The following ADAMTSL1 variants were observed in gnomAD, a reference collection of about 807,000 sequenced individuals.
ADAMTSL1 encodes the protein ADAMTS-like protein 1.
ADAMTSL1 carries 126 observed loss-of-function variants against 201.8 expected under a neutral mutation model. That is an observed-to-expected ratio of 0.62 (90% confidence interval 0.54 to 0.72). The LOEUF (loss-of-function observed/expected upper bound fraction) is 0.72, where lower values mean the gene tolerates loss of function less well. ADAMTSL1 is among the 30% of genes least tolerant of loss of function. The probability of loss-of-function intolerance (pLI) is 0.00; values close to 1 mark genes in which losing one functional copy is unlikely to be tolerated. For synonymous variants in ADAMTSL1, 1,121 were observed against 903.4 expected (o/e 1.24, Z -4.32); for missense variants, 2,679 against 2,277.8 (o/e 1.18, Z -3.59).
At chr9:17,937,170 G>A (rs12684923) in intron 1 of ADAMTSL1, among the ~76,000 whole-genome samples, 35,516 of 152,040 alleles carry the variant, frequency 0.23, 4,715 homozygotes, top group East Asian at 0.41. Context: ...TTTTTTGAAA[G>A]CATCTTCTCT....
intron 5 of ADAMTSL1, among the ~76,000 whole-genome samples, chr9:18,632,431 G>C (rs1826840613): frequency 6.6e-6 from 1 of 152,130 alleles, no homozygotes; most frequent in Non-Finnish European, 1.5e-5. Context: ...AGTTTTTATG[G>C]ATAAACATCT....
chr9:18,706,625 C>A, intron 13 of ADAMTSL1, 122 bp from the exon 14 acceptor site: 2 of 970,612 alleles, frequency 2.1e-6, no homozygotes, highest in Non-Finnish European at 3.0e-6. Flanking sequence ...GGTGGAGGAG[C>A]CCTGAGTACC....
At chr9:18,053,211 C>T (rs1360095660) in intron 1 of ADAMTSL1, among the ~76,000 whole-genome samples, 1 of 152,134 alleles carries the variant, frequency 6.6e-6, no homozygotes, top group Non-Finnish European at 1.5e-5. Flanking sequence ...TGGGCAGTGA[C>T]ACTTGGGGTT....
chr9:18,125,376 T>C (rs1258611376), intron 1 of ADAMTSL1, among the ~76,000 whole-genome samples: 1 of 152,122 alleles, frequency 6.6e-6, no homozygotes, highest in Non-Finnish European at 1.5e-5. Flanking sequence ...ATGTGGGAGT[T>C]GTGGGAGTTA....
At chr9:17,946,293 C>T (rs1189975169) in intron 1 of ADAMTSL1, among the ~76,000 whole-genome samples, 2 of 151,828 alleles carry the variant, frequency 1.3e-5, no homozygotes, top group Admixed American at 6.6e-5. Flanking sequence ...ACCATCATGC[C>T]GAGCTGACCT....
chr9:18,756,957 A>G (rs1364340567), intron 16 of ADAMTSL1, among the ~76,000 whole-genome samples: 1 of 152,220 alleles, frequency 6.6e-6, no homozygotes, highest in Non-Finnish European at 1.5e-5. Flanking sequence ...CAAATGGCAA[A>G]TAGCCAATAT....
intron 1 of ADAMTSL1, among the ~76,000 whole-genome samples, chr9:18,079,421 G>A (rs1451616669): frequency 1.3e-5 from 2 of 151,948 alleles, no homozygotes; most frequent in East Asian, 1.9e-4. Context: ...GCTCACACCT[G>A]TAATCCCAGC....
At chr9:18,663,169 C>T (rs1002750711) in intron 9 of ADAMTSL1, among the ~76,000 whole-genome samples, 2 of 152,108 alleles carry the variant, frequency 1.3e-5, no homozygotes, top group African/African-American at 4.8e-5. Context: ...TATTCCTCTA[C>T]TCTTTTATCT....
At chr9:18,558,283 G>T (rs1055474918) in intron 3 of ADAMTSL1, among the ~76,000 whole-genome samples, 3 of 152,118 alleles carry the variant, frequency 2.0e-5, no homozygotes, top group Non-Finnish European at 4.4e-5. Flanking sequence ...TCTTGTGTTA[G>T]TTTGCTGAGA....
intron 4 of ADAMTSL1, among the ~76,000 whole-genome samples, chr9:18,581,283 A>G (rs1471201771): frequency 6.6e-6 from 1 of 152,156 alleles, no homozygotes; most frequent in Non-Finnish European, 1.5e-5. Context: ...TATTAAATTG[A>G]GCCCACCCTA....
chr9:18,761,209 G>A (rs1274683327), intron 16 of ADAMTSL1, among the ~76,000 whole-genome samples: 1 of 152,182 alleles, frequency 6.6e-6, no homozygotes, highest in Non-Finnish European at 1.5e-5. Context: ...GTTCAATAAT[G>A]TTAGTAAAAA....
At chr9:18,827,173 A>AT (rs1176271260) in intron 22 of ADAMTSL1, among the ~76,000 whole-genome samples, 4 of 150,594 alleles carry the variant, frequency 2.7e-5, no homozygotes, top group African/African-American at 9.8e-5. Flanking sequence ...AAAAAAAAAA[A>AT]AAAATTTTTT....
At chr9:17,942,066 T>C (rs1310876130) in intron 1 of ADAMTSL1, among the ~76,000 whole-genome samples, 1 of 152,114 alleles carries the variant, frequency 6.6e-6, no homozygotes, top group Non-Finnish European at 1.5e-5. Flanking sequence ...CATACAAATA[T>C]TATATGATTC....
chr9:18,093,923 A>G (rs1416636002), intron 1 of ADAMTSL1, among the ~76,000 whole-genome samples: 1 of 152,154 alleles, frequency 6.6e-6, no homozygotes, highest in Non-Finnish European at 1.5e-5. Flanking sequence ...CAACTCTAAG[A>G]GGAGAGGAAA....
intron 1 of ADAMTSL1, among the ~76,000 whole-genome samples, chr9:17,990,549 G>A (rs556481343): frequency 1.1e-3 from 165 of 151,928 alleles, no homozygotes; most frequent in Non-Finnish European, 2.1e-3. Flanking sequence ...CGAAATATAA[G>A]TCATTGCACT....
At chr9:18,860,450 G>A (rs1442717365) in intron 23 of ADAMTSL1, among the ~76,000 whole-genome samples, 1 of 151,820 alleles carries the variant, frequency 6.6e-6, no homozygotes, top group African/African-American at 2.4e-5. Flanking sequence ...GCAGAGTTGA[G>A]TAGTTGTGAC....
chr9:18,441,331 A>G (rs1819988678), intron 2 of ADAMTSL1, among the ~76,000 whole-genome samples: 1 of 152,206 alleles, frequency 6.6e-6, no homozygotes, highest in South Asian at 2.1e-4. Context: ...ATTTTTAAAA[A>G]GGAAAGAAAA....
intron 2 of ADAMTSL1, among the ~76,000 whole-genome samples, chr9:18,367,384 T>C (rs916824085): frequency 2.6e-5 from 4 of 152,060 alleles, no homozygotes; most frequent in African/African-American, 9.7e-5. Flanking sequence ...GATTTTTTTT[T>C]TTTTCAGGGA....
At chr9:18,904,882 GCTCTTT>G (rs1830216643) in intron 26 of ADAMTSL1, among the ~76,000 whole-genome samples, 1 of 151,784 alleles carries the variant, frequency 6.6e-6, no homozygotes, top group East Asian at 1.9e-4. Context: ...CTTAAATCCT[GCTCTTT>G]CAGTGGTTCT....
Sources: gnomAD v4.1 joint callset for allele counts (sites outside exome capture counted in the v4.1 genomes callset) on GRCh38, gnomAD v4.1.1 for gene constraint, MANE v1.5 for transcripts, NCBI Gene and HGNC (gene_info 2026-07-23, HGNC 2026-07-21) for gene names.